Variants in SAR1A observed in about 807,000 individuals in gnomAD.
SAR1A encodes the protein small COPII coat GTPase SAR1A.
SAR1A carries 6 observed loss-of-function variants against 22.6 expected under a neutral mutation model. That is an observed-to-expected ratio of 0.27 (90% confidence interval 0.15 to 0.52). SAR1A has a LOEUF of 0.52. Ranked by LOEUF, SAR1A falls within the 20% of genes least tolerant of loss-of-function variation. SAR1A has a pLI of 0.96. For missense variants in SAR1A, 145 were observed against 245.1 expected, an observed-to-expected ratio of 0.59 and a Z score of 2.73; for synonymous variants, 70 against 82.2, an observed-to-expected ratio of 0.85 and a Z score of 0.80.
chr10:70,153,056 G>T (rs1355265689), intron 6 of SAR1A, among the ~76,000 whole-genome samples: 1 of 152,182 alleles, frequency 6.6e-6, no homozygotes, highest in African/African-American at 2.4e-5. Context: ...GAAATTAAAT[G>T]AAAGAAAGGA....
At chr10:70,166,305 C>T (rs1002341552) in intron 1 of SAR1A, among the ~76,000 whole-genome samples, 4 of 152,208 alleles carry the variant, frequency 2.6e-5, no homozygotes, top group African/African-American at 9.7e-5. Flanking sequence ...TTCACATTCC[C>T]TAGACATACG....
chr10:70,169,151 G>A (rs1033792762), intron 1 of SAR1A, among the ~76,000 whole-genome samples: 1 of 151,952 alleles, frequency 6.6e-6, no homozygotes, highest in Non-Finnish European at 1.5e-5. Context: ...CCTTTAAGAC[G>A]GCTCAGTTGA....
intron 4 of SAR1A, among the ~76,000 whole-genome samples, chr10:70,158,937 T>C (rs1426211227): frequency 6.6e-6 from 1 of 152,196 alleles, no homozygotes; most frequent in Non-Finnish European, 1.5e-5. Context: ...CCTAAATTTA[T>C]CACACCAAAC....
At chr10:70,154,656 T>C (rs1050094994) in intron 5 of SAR1A, among the ~76,000 whole-genome samples, 4 of 152,146 alleles carry the variant, frequency 2.6e-5, no homozygotes, top group Admixed American at 1.3e-4. Flanking sequence ...GATGGAGTTT[T>C]ACCATGTTGG....
intron 1 of SAR1A, chr10:70,163,729 A>G: frequency 2.3e-6 from 2 of 866,476 alleles, no homozygotes; most frequent in Non-Finnish European, 4.0e-6. Flanking sequence ...AATTCAAAGA[A>G]GTTTTTTCAC....
intron 1 of SAR1A, among the ~76,000 whole-genome samples, chr10:70,165,092 C>T (rs1397491798): frequency 4.0e-5 from 6 of 151,788 alleles, no homozygotes; most frequent in East Asian, 3.9e-4. Context: ...GGTGAAACCC[C>T]GTCTCTACTA....
intron 3 of SAR1A, chr10:70,161,280 C>T (rs928265332): frequency 1.8e-5 from 10 of 546,502 alleles, no homozygotes; most frequent in African/African-American, 3.9e-5. Flanking sequence ...GCCCAGGCAA[C>T]GCCCCACTCC....
chr10:70,168,310 C>T (rs1043251104), intron 1 of SAR1A, among the ~76,000 whole-genome samples: 16 of 152,176 alleles, frequency 1.1e-4, no homozygotes, highest in African/African-American at 3.6e-4. Context: ...CAGAATTCAT[C>T]TAGTTGAAAA....
intron 1 of SAR1A, chr10:70,164,053 A>C: frequency 3.8e-6 from 3 of 794,646 alleles, no homozygotes; most frequent in Non-Finnish European, 6.9e-6. Context: ...GAAGTTGATT[A>C]AATGATCAGG....
chr10:70,160,310 A>C (rs1001036723), intron 4 of SAR1A, among the ~76,000 whole-genome samples: 2 of 152,226 alleles, frequency 1.3e-5, no homozygotes, highest in African/African-American at 2.4e-5. Flanking sequence ...GCACTAAAGT[A>C]TTAAAGAGTA....
chr10:70,152,706 T>G, intron 6 of SAR1A, 114 bp from the exon 7 acceptor site: 2 of 765,194 alleles, frequency 2.6e-6, no homozygotes, highest in South Asian at 3.1e-5. Flanking sequence ...TAAGTAGGTA[T>G]TAATTACAGA....
At chr10:70,157,187 G>A (rs2136712372) in intron 5 of SAR1A, among the ~76,000 whole-genome samples, 1 of 152,300 alleles carries the variant, frequency 6.6e-6, no homozygotes, top group East Asian at 1.9e-4. Flanking sequence ...GGTGGATCAT[G>A]AGGTCAGGAG....
chr10:70,154,251 A>C (rs1232430060), intron 5 of SAR1A, among the ~76,000 whole-genome samples: 1 of 152,232 alleles, frequency 6.6e-6, no homozygotes, highest in Non-Finnish European at 1.5e-5. Context: ...CTTTTGAGCT[A>C]ATCTGCTCAG....
At chr10:70,162,991 C>CCCA (rs1839495962) in intron 1 of SAR1A, 2 of 152,256 alleles carry the variant, frequency 1.3e-5, no homozygotes, top group African/African-American at 4.8e-5. Context: ...CAGTCCTGCC[C>CCCA]CCACCCCAAG....
At chr10:70,164,168 C>T in intron 1 of SAR1A, 1 of 655,872 alleles carries the variant, frequency 1.5e-6, no homozygotes, top group East Asian at 2.7e-5. Flanking sequence ...TTGCACAAAA[C>T]TGTTTATTTG....
chr10:70,155,118 A>C (rs1244275127), intron 5 of SAR1A: 1 of 527,034 alleles, frequency 1.9e-6, no homozygotes, highest in South Asian at 1.4e-5. Flanking sequence ...GTGAGCTGCA[A>C]TATATCCTAA....
In SAR1A at chr10:70,148,419, T is replaced by G. The variant is rs1839288551; in HGVS notation, c.*4057A>C. The G allele has an allele frequency of 6.6e-6, 1 of 152,170 alleles. No homozygotes were observed. Among genetic ancestry groups the G allele is most frequent in the South Asian group, 2.1e-4 (1 of 4,828 alleles). The allele number at this position is 152,170 out of a possible 1,614,324, so 9.4% of individuals were successfully genotyped here. ...GGCCATCTTGCCATAGCAGGCGGTCTTCTTTTGGTTCTATGACACAGAAGG... is the reference window on the plus strand; with the variant it reads ...GGCCATCTTGCCATAGCAGGCGGTCGTCTTTTGGTTCTATGACACAGAAGG... On this transcript the variant is annotated 3_prime_UTR_variant, in exon 7 of 7. Coordinates refer to ENST00000373241, the MANE Select transcript of SAR1A (RefSeq NM_020150.5).
At chr10:70,158,757 C>CAA (rs58884949) in intron 4 of SAR1A, among the ~76,000 whole-genome samples, 1 of 125,808 alleles carries the variant, frequency 7.9e-6, no homozygotes, top group Non-Finnish European at 1.7e-5. Context: ...TTAAGTTATA[C>CAA]AAAAAAAAAA....
intron 3 of SAR1A, chr10:70,161,311 A>T (rs1418963171): frequency 3.6e-6 from 2 of 552,346 alleles, no homozygotes; most frequent in Non-Finnish European, 6.3e-6. Context: ...AAGGAATACA[A>T]GGGTGAAATG....
Sources: allele counts gnomAD v4.1 joint callset (sites outside exome capture counted in the v4.1 genomes callset), GRCh38; gene constraint gnomAD v4.1.1; transcripts MANE v1.5; gene names NCBI Gene and HGNC (gene_info 2026-07-23, HGNC 2026-07-21).